Variants in NFRKB observed in about 807,000 individuals in gnomAD.
NFRKB encodes nuclear factor related to kappa-B-binding protein.
Under a neutral mutation model 135.7 loss-of-function variants are expected in NFRKB, and 62 were observed. That is an observed-to-expected ratio of 0.46 (90% CI 0.37 to 0.56). The LOEUF is 0.56. Ranked by LOEUF, NFRKB falls within the 20% of genes least tolerant of loss-of-function variation. The pLI is 0.00. For missense variants in NFRKB, 1,545 were observed against 1,662.0 expected (o/e 0.93, Z 1.22); for synonymous variants, 678 against 635.6 (o/e 1.07, Z -1.00).
chr11:129,893,071 C>T, intron 2 of NFRKB: 1 of 1,422,486 alleles, frequency 7.0e-7, no homozygotes, highest in South Asian at 1.5e-5. Flanking sequence ...CCTGGAAGAG[C>T]TCTTTTCTCA....
intron 9 of NFRKB, among the ~76,000 whole-genome samples, 193 bp downstream of exon 9, chr11:129,882,929 A>C (rs78506254): frequency 6.6e-6 from 1 of 152,074 alleles, no homozygotes; most frequent in African/African-American, 2.4e-5. Flanking sequence ...CTTAATTTTA[A>C]TATTTATTAA....
In NFRKB at chr11:129,869,611, C is replaced by T; in HGVS notation, c.3414G>A (p.Val1138=). 6.2e-7 allele frequency: 1 copy of T among 1,614,182 alleles called. No homozygotes were observed. The highest frequency in any genetic ancestry group is 1.1e-5 in the South Asian group (1 of 91,084). ...CAGAAGCCACAGCTACAGTCTTGGACACAGCAGCATTCATACTGGGTAAGG... is the reference window on the plus strand; with the variant it reads ...CAGAAGCCACAGCTACAGTCTTGGATACAGCAGCATTCATACTGGGTAAGG... ...AVSLPSMNAA[V]SKTVAVASGA... The change falls in exon 24 of 27, where the codon GTG becomes GTA. Residue 1138 remains valine (V), a synonymous_variant. Transcript: ENST00000682444.
At chr11:129,867,688 C>A (rs1379211594) in intron 24 of NFRKB, among the ~76,000 whole-genome samples, 1 of 152,188 alleles carries the variant, frequency 6.6e-6, no homozygotes, top group East Asian at 1.9e-4. Flanking sequence ...ATGTTTATAT[C>A]CTTCTTCACT....
Position 129,864,868 on chromosome 11 carries a change from A to C in NFRKB, c.3775-18T>G, listed in dbSNP as rs201744014. 5.0e-6 allele frequency: 8 copies of C among 1,614,094 alleles called. No homozygotes were observed. Among genetic ancestry groups the C allele is most frequent in the Non-Finnish European group, 6.8e-6 (8 of 1,180,028 alleles). ...ATGCGCACCTGTTTGCAAAGACAGAAGGTCAGGTCAATGGATTGCAAGCGG... is the reference window on the plus strand; with the variant it reads ...ATGCGCACCTGTTTGCAAAGACAGACGGTCAGGTCAATGGATTGCAAGCGG... On this transcript the variant is annotated intron_variant, in intron 26 of 26. Coordinates refer to ENST00000682444, the MANE Select transcript of NFRKB (RefSeq NM_001143835.2).
chr11:129,877,543 G>A (rs752960520), intron 15 of NFRKB, among the ~76,000 whole-genome samples, 158 bp from the exon 16 acceptor site: 4 of 152,166 alleles, frequency 2.6e-5, no homozygotes, highest in African/African-American at 7.2e-5. Context: ...CAGCTCCTAC[G>A]AAGTAACTCC....
intron 23 of NFRKB, among the ~76,000 whole-genome samples, chr11:129,871,751 G>T (rs1424106528): frequency 6.6e-6 from 1 of 152,072 alleles, no homozygotes; most frequent in African/African-American, 2.4e-5. Flanking sequence ...CCCCATTTCC[G>T]TTCTTGTCCC....
At chr11:129,885,673 T>C (rs1949243715) in intron 5 of NFRKB, 64 bp from the exon 6 acceptor site, 2 of 1,442,548 alleles carry the variant, frequency 1.4e-6, no homozygotes, top group Admixed American at 2.5e-5. Flanking sequence ...CAATGAACAC[T>C]CTACAAGTCT....
chr11:129,883,985 A>C (rs1371884822), intron 8 of NFRKB, 85 bp downstream of exon 8: 1 of 1,366,438 alleles, frequency 7.3e-7, no homozygotes, highest in East Asian at 2.3e-5. Context: ...CAGACGAGGC[A>C]GTGATGCCCC....
rs1265898380 is a variant in NFRKB, at chr11:129,874,622, A to C, written c.1979-42T>G. The C allele has an allele frequency of 6.2e-7, 1 of 1,609,078 alleles. No individual in the cohort carries two copies. The highest frequency in any genetic ancestry group is 8.5e-7 in the Non-Finnish European group (1 of 1,177,984). ...CAAGCTTCAGCCAGAGTTTAACCTT[A>C]GCAAACTAAAAAGAGGGGCTTTGTT... On this transcript the variant is annotated intron_variant, in intron 19 of 26. Transcript: ENST00000682444. The surrounding 1 kb of genome is among the most constrained non-coding windows in gnomAD (Gnocchi z 4.5).
chr11:129,882,518 T>A lies in NFRKB; in HGVS notation c.1015A>T (p.Ser339Cys). ...EAEDLAEPLS[S>C]TEGVAPLSQA... ...GAGAGAGGTGCGACCCCTTCAGTAC[T>A]GCTTAGCGGCTCGGCCAGGTCCTCT... The change falls in exon 10 of 27, where the codon AGT becomes TGT. Residue 339 changes from serine to cysteine, a missense_variant. By Grantham distance (112) the Ser-to-Cys change is moderately radical. Transcript: ENST00000682444. 1 of 1,614,150 alleles carries A rather than the reference T, an allele frequency of 6.2e-7. No homozygotes were observed. Among genetic ancestry groups the A allele is most frequent in the East Asian group, 2.2e-5 (1 of 44,888 alleles).
At chr11:129,870,357 T>C in intron 23 of NFRKB, 96 bp from the exon 24 acceptor site, 1 of 1,408,062 alleles carries the variant, frequency 7.1e-7, no homozygotes, top group Non-Finnish European at 9.6e-7. Flanking sequence ...GTAGATGTTT[T>C]GTATTTTTTT....
chr11:129,864,941 G>A lies in NFRKB; in HGVS notation c.3774+25C>T, dbSNP rs747759919. ...TGGAATCAGAGAGGAGCCGGATATG[G>A]CCAAGAATTTGCCCTGGGCCTTACC... On this transcript the variant is annotated intron_variant, in intron 26 of 26. Transcript: ENST00000682444. The A allele has an allele frequency of 3.7e-6, 6 of 1,612,290 alleles. No individual in the cohort carries two copies. The South Asian group carries it at 5.5e-5, about 15-fold the overall frequency.
chr11:129,873,909 G>A lies in NFRKB; in HGVS notation c.2386C>T (p.His796Tyr). Residue 796 changes from histidine (H) to tyrosine (Y), a missense_variant, in exon 22 of 27, where the codon CAC (histidine) becomes TAC (tyrosine). Transcript: ENST00000682444. ...TGAGACAGTCCAGCAGAGCCAGAGT[G>A]GCTCACGACCCGGGCGGCAGCCTGA... ...SSQAAARVVS[H>Y]SGSAGLSQVR... The A allele has an allele frequency of 6.2e-7, 1 of 1,613,886 alleles. No homozygotes were observed. The highest frequency in any genetic ancestry group is 8.5e-7 in the Non-Finnish European group (1 of 1,180,038).
chr11:129,871,437 G>A (rs1228993952), intron 23 of NFRKB, among the ~76,000 whole-genome samples: 1 of 152,014 alleles, frequency 6.6e-6, no homozygotes, highest in East Asian at 1.9e-4. Flanking sequence ...ATCTCACGCT[G>A]CCACTACACC....
intron 3 of NFRKB, among the ~76,000 whole-genome samples, chr11:129,889,104 G>T (rs1186470878): frequency 6.6e-6 from 1 of 151,836 alleles, no homozygotes; most frequent in Admixed American, 6.6e-5. Flanking sequence ...TGGGATTACA[G>T]GTGCGCACCA....
chr11:129,882,088 T>C lies in NFRKB; in HGVS notation c.1189A>G (p.Met397Val), dbSNP rs945776696. Residue 397 changes from methionine (M) to valine (V), a missense_variant and splice_region_variant, in exon 11 of 27, where the codon ATG (methionine) becomes GTG (valine). Coordinates refer to ENST00000682444, the MANE Select transcript of NFRKB (RefSeq NM_001143835.2). The stretch of plus-strand genomic sequence containing the variant: ...TCCAACTTTTCCAAAACGCTTACCA[T>C]AGGAAGGCTAGCCTGACTCTCCAGC... ...LLLESQASLP[M>V]LEERVLDWQS... 6 of 1,600,854 alleles carry C rather than the reference T, an allele frequency of 3.7e-6. No homozygotes were observed. Among genetic ancestry groups the C allele is most frequent in the Non-Finnish European group, 4.3e-6 (5 of 1,176,226 alleles).
rs1188445597 is a variant in NFRKB, at chr11:129,888,732, G to A, written c.199C>T (p.Arg67Cys). Residue 67 changes from arginine (R) to cysteine (C), a missense_variant, in exon 4 of 27, where the codon CGT becomes TGT. By Grantham distance (180) the Arg-to-Cys change is radical. Coordinates refer to ENST00000682444, the MANE Select transcript of NFRKB (RefSeq NM_001143835.2). Reference protein sequence around the residue: ...TWQEVLSDSQREHLQQFLPQF... With the variant: ...TWQEVLSDSQCEHLQQFLPQF... ...GGCAGAAACTGCTGGAGGTGTTCAC[G>A]TTGAGAATCACTTAACACTTCCTGC... is the stretch of plus-strand genomic sequence containing the variant. 5.0e-6 allele frequency: 8 copies of A among 1,614,182 alleles called. No individual in the cohort carries two copies. Among genetic ancestry groups the A allele is most frequent in the Middle Eastern group, 1.6e-4 (1 of 6,062 alleles).
intron 24 of NFRKB, 40 bp downstream of exon 24, chr11:129,869,454 T>C: frequency 6.5e-7 from 1 of 1,532,640 alleles, no homozygotes; most frequent in Non-Finnish European, 8.7e-7. Flanking sequence ...GATTAAGTTT[T>C]CTAAAAAAGA....
Position 129,874,436 on chromosome 11 carries a change from G to A in NFRKB, c.2058+65C>T. On this transcript the variant is annotated intron_variant, in intron 20 of 26. Coordinates refer to ENST00000682444, the MANE Select transcript of NFRKB (RefSeq NM_001143835.2). The surrounding 1 kb of genome is among the most constrained non-coding windows in gnomAD (Gnocchi z 4.5). ...ATGCCCCACACCAAGTGAAAGCCGA[G>A]CAGCCACTCTTAGTTGCCTCCATCC... 2 of 1,567,488 alleles carry A rather than the reference G, an allele frequency of 1.3e-6. No homozygotes were observed. Among genetic ancestry groups the A allele is most frequent in the Non-Finnish European group, 1.7e-6 (2 of 1,157,838 alleles).
Sources: gnomAD v4.1 joint callset for allele counts (sites outside exome capture counted in the v4.1 genomes callset) on GRCh38, gnomAD v4.1.1 for gene constraint, Gnocchi (gnomAD v3.1) non-coding constraint, MANE v1.5 for transcripts, NCBI Gene and HGNC (gene_info 2026-07-23, HGNC 2026-07-21) for gene names.